NR3C1: variants seen among roughly 807,000 people sequenced by gnomAD.
The protein encoded by NR3C1 is glucocorticoid receptor.
A neutral mutation model predicts 74.0 loss-of-function variants in NR3C1; 14 were observed. The observed-to-expected ratio is 0.19, with a 90% CI of 0.12 to 0.30. The LOEUF is 0.30. NR3C1 is among the 10% of genes least tolerant of loss of function. NR3C1 has a pLI of 1.00. For missense variants in NR3C1, 695 were observed against 909.8 expected (o/e 0.76, Z 3.04); for synonymous variants, 308 against 332.5 (o/e 0.93, Z 0.80).
intron 2 of NR3C1, among the ~76,000 whole-genome samples, chr5:143,344,104 T>C (rs1464507133): frequency 6.6e-6 from 1 of 152,224 alleles, no homozygotes; most frequent in East Asian, 1.9e-4. Flanking sequence ...AACTATGACA[T>C]AGTGCTTAGA....
chr5:143,404,574 CGCCT>C, upstream of NR3C1: 1 of 971,450 alleles, frequency 1.0e-6, no homozygotes, highest in Non-Finnish European at 1.2e-6. Context: ...AAGGAGGCGC[CGCCT>C]GCCAAGTTCA....
At chr5:143,360,146 G>A (rs1831954742) in intron 2 of NR3C1, among the ~76,000 whole-genome samples, 1 of 152,066 alleles carries the variant, frequency 6.6e-6, no homozygotes, top group Non-Finnish European at 1.5e-5. Context: ...CTACTTGGTT[G>A]TCAAAAAAAG....
At chr5:143,283,862 G>C (rs1437063923) in intron 7 of NR3C1, among the ~76,000 whole-genome samples, 4 of 152,184 alleles carry the variant, frequency 2.6e-5, no homozygotes, top group South Asian at 2.1e-4. Context: ...GTTAGAGCGA[G>C]ACAAAGGATT....
intron 7 of NR3C1, chr5:143,294,315 AC>A (rs1816638633): frequency 1.1e-6 from 1 of 936,162 alleles, no homozygotes; most frequent in African/African-American, 1.8e-5. Flanking sequence ...TCAGCTATTA[AC>A]TCAGTATTTA....
At chr5:143,345,256 C>G (rs942439035) in intron 2 of NR3C1, among the ~76,000 whole-genome samples, 16 of 152,254 alleles carry the variant, frequency 1.1e-4, no homozygotes, top group Middle Eastern at 6.8e-3. Context: ...TGTCACCAGG[C>G]CGGAGTGCAG....
intron 2 of NR3C1, among the ~76,000 whole-genome samples, chr5:143,334,538 C>T (rs181532283): frequency 8.7e-4 from 132 of 151,918 alleles, no homozygotes; most frequent in African/African-American, 3.1e-3. Flanking sequence ...TGCATGTATC[C>T]TAGGGTTTAA....
chr5:143,428,761 A>AT, intron 1 of NR3C1, among the ~76,000 whole-genome samples: 1 of 152,252 alleles, frequency 6.6e-6, no homozygotes, highest in East Asian at 1.9e-4. Context: ...AAAGGAAATG[A>AT]TTTTGTTCAT....
intron 2 of NR3C1, among the ~76,000 whole-genome samples, chr5:143,339,775 C>T (rs554925636): frequency 6.6e-6 from 1 of 152,190 alleles, no homozygotes; most frequent in African/African-American, 2.4e-5. Flanking sequence ...GTAGAAATAT[C>T]TTAAAAACAA....
chr5:143,350,094 C>G (rs1425903337), intron 2 of NR3C1, among the ~76,000 whole-genome samples: 1 of 152,124 alleles, frequency 6.6e-6, no homozygotes, highest in Non-Finnish European at 1.5e-5. Context: ...ATAAAAAGCT[C>G]ACCAAATCAT....
At position 143,281,302 on chromosome 5, in the gene NR3C1, C is replaced by A. The variant is rs1291491360; in HGVS notation, c.*587G>T. 6.5e-6 allele frequency: 1 copy of A among 153,458 alleles called. No homozygotes were observed. Among genetic ancestry groups the A allele is most frequent in the Non-Finnish European group, 1.5e-5 (1 of 68,788 alleles). 9.5% of individuals were successfully genotyped at this position (153,458 alleles called of 1,614,324 possible). On this transcript the variant is annotated 3_prime_UTR_variant, in exon 9 of 9. Coordinates refer to ENST00000394464, the MANE Select transcript of NR3C1 (RefSeq NM_000176.3). Reference sequence around the variant, plus strand: ...CCCATCTTAAACAGCTGTACAATAACTTGAATAAAAAATTATGTAAGAAAA... The same window carrying A: ...CCCATCTTAAACAGCTGTACAATAAATTGAATAAAAAATTATGTAAGAAAA...
chr5:143,337,859 C>G (rs1019466980), intron 2 of NR3C1, among the ~76,000 whole-genome samples: 9 of 152,166 alleles, frequency 5.9e-5, no homozygotes, highest in Admixed American at 6.5e-5. Flanking sequence ...AAGAAAACAA[C>G]GATCACATTT....
chr5:143,334,252 C>T (rs1437276797), intron 2 of NR3C1, among the ~76,000 whole-genome samples: 1 of 151,882 alleles, frequency 6.6e-6, no homozygotes, highest in Admixed American at 6.6e-5. Flanking sequence ...CATGGTGGCA[C>T]GTGCCTGTAA....
At chr5:143,404,307 G>A (rs1600651753), upstream of NR3C1, 2 of 985,694 alleles carry the variant, frequency 2.0e-6, no homozygotes, top group Non-Finnish European at 2.4e-6. Context: ...TCGGGGCCGG[G>A]CGGCCTGACA....
intron 2 of NR3C1, among the ~76,000 whole-genome samples, chr5:143,344,400 A>G (rs1307382907): frequency 6.6e-6 from 1 of 152,242 alleles, no homozygotes; most frequent in African/African-American, 2.4e-5. Flanking sequence ...TACTTTATTA[A>G]TTCTAATTCT....
intron 2 of NR3C1, among the ~76,000 whole-genome samples, chr5:143,348,547 A>C (rs1262048805): frequency 6.6e-6 from 1 of 152,190 alleles, no homozygotes; most frequent in African/African-American, 2.4e-5. Flanking sequence ...TCAAACTGTA[A>C]ACAAGTGTCC....
Position 143,400,415 on chromosome 5 carries a change from G to C in NR3C1, c.425C>G (p.Ser142Ter). The change falls in exon 2 of 9, where the codon TCA (serine) becomes TGA (stop). Residue 142 changes from serine (S) to a stop codon, truncating the protein, a stop_gained. Coordinates refer to ENST00000394464, the MANE Select transcript of NR3C1 (RefSeq NM_000176.3). LOFTEE classifies it high-confidence loss of function. The part of the protein sequence containing the change: ...STSVPENPKS[S>*]ASTAVSAAPT... Reference sequence around the variant, plus strand: ...GGCAGCAGACACAGCAGTGGATGCTGAACTCTTGGGGTTCTCTGGAACACT... The same window carrying C: ...GGCAGCAGACACAGCAGTGGATGCTCAACTCTTGGGGTTCTCTGGAACACT... 6.2e-7 allele frequency: 1 copy of C among 1,614,210 alleles called. No homozygotes were observed. The highest frequency in any genetic ancestry group is 8.5e-7 in the Non-Finnish European group (1 of 1,180,036).
chr5:143,330,313 T>C (rs560647952), intron 2 of NR3C1, among the ~76,000 whole-genome samples: 1 of 152,324 alleles, frequency 6.6e-6, no homozygotes, highest in African/African-American at 2.4e-5. Context: ...AAAGAATAAA[T>C]GGTAGCTACT....
chr5:143,305,739 G>A (rs575822409), intron 4 of NR3C1, among the ~76,000 whole-genome samples: 4 of 152,222 alleles, frequency 2.6e-5, no homozygotes, highest in African/African-American at 7.2e-5. Context: ...CAAGAGGGGG[G>A]ATAGAGGAAG....
At chr5:143,327,208 G>A (rs954953311) in intron 2 of NR3C1, among the ~76,000 whole-genome samples, 5 of 152,126 alleles carry the variant, frequency 3.3e-5, no homozygotes, top group Non-Finnish European at 5.9e-5. Flanking sequence ...AGCAAGACAC[G>A]TCTCACCTGG....
Sources: allele counts gnomAD v4.1 joint callset (sites outside exome capture counted in the v4.1 genomes callset), GRCh38; gene constraint gnomAD v4.1.1; transcripts MANE v1.5; gene names NCBI Gene and HGNC (gene_info 2026-07-23, HGNC 2026-07-21).